The following DNAJB1 variants were observed in gnomAD, a reference collection of about 807,000 sequenced individuals.
The protein encoded by DNAJB1 is dnaJ homolog subfamily B member 1.
DNAJB1 carries 14 observed loss-of-function variants against 24.0 expected under a neutral mutation model. The ratio of observed to expected loss-of-function variants is 0.58; its 90% CI spans 0.39 to 0.91. DNAJB1 has a LOEUF of 0.91. Ranked by LOEUF, DNAJB1 falls within the 40% of genes least tolerant of loss-of-function variation. The probability of loss-of-function intolerance (pLI) is 0.00; values close to 1 mark genes in which losing one functional copy is unlikely to be tolerated. For synonymous variants in DNAJB1, 262 were observed against 174.4 expected (o/e 1.50, Z -3.96); for missense variants, 517 against 458.1 (o/e 1.13, Z -1.17).
chr19:14,556,428 A>AAAC (rs879582706), intron 1 of DNAJB1, among the ~76,000 whole-genome samples: 53,579 of 150,484 alleles, frequency 0.36, 10,092 homozygotes, highest in Non-Finnish European at 0.42. Context: ...ACAAAAACAA[A>AAAC]AAAAACCACA....
chr19:14,515,723 C>T lies in DNAJB1; in HGVS notation c.*217G>A, dbSNP rs1320646357. 1 of 521,648 alleles carries T rather than the reference C, an allele frequency of 1.9e-6. No homozygotes were observed. The highest frequency in any genetic ancestry group is 2.0e-5 in the African/African-American group (1 of 50,282). The allele number at this position is 521,648 out of a possible 1,614,324, so 32.3% of individuals were successfully genotyped here. ...GTGGGGCAGACTGGAATGCCTTTTC[C>T]TGCTGTTCCCACCACCTGATGCCCT... On this transcript the variant is annotated 3_prime_UTR_variant, in exon 3 of 3. Transcript: ENST00000254322.
chr19:14,517,915 C>A (rs2072302460), intron 1 of DNAJB1: 1 of 437,236 alleles, frequency 2.3e-6, no homozygotes, highest in East Asian at 3.7e-5. Flanking sequence ...GGAGGGGCAG[C>A]CCCAGACATG....
upstream of DNAJB1, chr19:14,529,746 G>A: frequency 6.2e-7 from 1 of 1,613,914 alleles, no homozygotes; most frequent in Non-Finnish European, 8.5e-7. Context: ...TGTGGCCACT[G>A]CTGACCCATT....
chr19:14,517,035 T>G lies in DNAJB1; in HGVS notation c.223A>C (p.Ser75Arg). 6.2e-7 allele frequency: 1 copy of G among 1,609,018 alleles called. No homozygotes were observed. Among genetic ancestry groups the G allele is most frequent in the Non-Finnish European group, 8.5e-7 (1 of 1,178,304 alleles). ...CCGCCGCTACCGCCACTGGGGCCAC[T>G]CCCCTTTAGGCCTGAAAAGCAGATT... The part of the protein sequence containing the change: ...DRYGEEGLKG[S>R]GPSGGSGGGA... The change falls in exon 2 of 3, where the codon AGT (serine) becomes CGT (arginine). Residue 75 changes from serine (S) to arginine (R), a missense_variant. Coordinates refer to ENST00000254322, the MANE Select transcript of DNAJB1 (RefSeq NM_006145.3).
At chr19:14,521,746 C>A (rs1368531586), upstream of DNAJB1, among the ~76,000 whole-genome samples, 8 of 152,112 alleles carry the variant, frequency 5.3e-5, no homozygotes, top group Non-Finnish European at 1.0e-4. Context: ...CTTAGCCTCC[C>A]AAGTAGCTAG....
rs748491808 is a variant in DNAJB1, at chr19:14,516,568, G to A, written c.690C>T (p.Asn230=). The stretch of plus-strand genomic sequence containing the variant: ...AAACAAAGACGATATCAGCTGGAAT[G>A]TTGTTGGAGGTCTGGTCTCCTTCCT... ...FPKEGDQTSN[N]IPADIVFVLK... The change falls in exon 2 of 3, where the codon AAC becomes AAT. Residue 230 remains asparagine (N), a synonymous_variant. Transcript: ENST00000254322. 2 of 1,614,236 alleles carry A rather than the reference G, an allele frequency of 1.2e-6. No individual in the cohort carries two copies. Among genetic ancestry groups the A allele is most frequent in the Non-Finnish European group, 8.5e-7 (1 of 1,180,040 alleles).
In DNAJB1 at chr19:14,515,818, T is replaced by C. The variant is rs1268812383; in HGVS notation, c.*122A>G. The C allele has an allele frequency of 3.4e-6, 3 of 879,382 alleles. No individual in the cohort carries two copies. Among genetic ancestry groups the C allele is most frequent in the Admixed American group, 2.8e-5 (1 of 35,792 alleles). The allele number at this position is 879,382 out of a possible 1,614,324, so 54.5% of individuals were successfully genotyped here. On this transcript the variant is annotated 3_prime_UTR_variant, in exon 3 of 3. Coordinates refer to ENST00000254322, the MANE Select transcript of DNAJB1 (RefSeq NM_006145.3). ...TTGTAATATATGCTCTGGAAAACAT[T>C]CAGCAGTACGAAAGCCCTCCCTGGG... is the stretch of plus-strand genomic sequence containing the variant.
upstream of DNAJB1, chr19:14,530,032 G>T: frequency 2.1e-6 from 1 of 486,980 alleles, no homozygotes; most frequent in Non-Finnish European, 3.8e-6. Context: ...AGCCACGAAG[G>T]TGCGGGACCC....
chr19:14,557,654 G>A (rs951608669), intron 1 of DNAJB1, among the ~76,000 whole-genome samples: 1 of 151,700 alleles, frequency 6.6e-6, no homozygotes, highest in African/African-American at 2.4e-5. Context: ...GTTTCGCCAT[G>A]TTGTCCAGGC....
In DNAJB1 at chr19:14,543,445, T is replaced by A. The variant is rs1358244995; in HGVS notation, c.-214+6763A>T. Among the ~76,000 whole-genome samples, 28 of 57,650 alleles carry A rather than the reference T, an allele frequency of 4.9e-4. 2 individuals are homozygous for A. Among genetic ancestry groups the A allele is most frequent in the Non-Finnish European group, 7.7e-4 (21 of 27,240 alleles). 37.8% of individuals were successfully genotyped at this position (57,650 alleles called of 152,430 possible). ...TTTTTTTTTTTTTTTTTTTTTTTTT[T>A]TTTTTTTTTTTGAGACGGAGTCTCG... On this transcript the variant is annotated intron_variant, in intron 1 of 3. Coordinates refer to the DNAJB1 transcript ENST00000676982.
At chr19:14,517,907 A>C in intron 1 of DNAJB1, 4 of 396,942 alleles carry the variant, frequency 1.0e-5, no homozygotes, top group Non-Finnish European at 1.8e-5. Context: ...GCGCCCGGGG[A>C]GGGGCAGCCC....
intron 1 of DNAJB1, among the ~76,000 whole-genome samples, chr19:14,547,266 G>T (rs2073339049): frequency 2.0e-5 from 3 of 152,140 alleles, no homozygotes. Context: ...CCGACAGTAG[G>T]CCAGAAATGA....
chr19:14,553,837 G>A (rs759773917), upstream of DNAJB1, among the ~76,000 whole-genome samples: 4 of 152,162 alleles, frequency 2.6e-5, no homozygotes, highest in Non-Finnish European at 2.9e-5. Flanking sequence ...TGCCCGGCGC[G>A]GGGATGGTGA....
intron 2 of DNAJB1, 87 bp from the exon 3 acceptor site, chr19:14,516,257 C>CA (rs2072259528): frequency 6.8e-7 from 1 of 1,461,100 alleles, no homozygotes; most frequent in Admixed American, 2.2e-5. Flanking sequence ...AGATAAGACC[C>CA]ATCAGGCCTC....
At chr19:14,518,454 C>T (rs1162373025), upstream of DNAJB1, 60 of 946,896 alleles carry the variant, frequency 6.3e-5, no homozygotes, top group Non-Finnish European at 8.4e-6. Context: ...CCAGAGCCCG[C>T]CAGCCCCCTC....
chr19:14,540,987 T>G (rs1416226919), intron 1 of DNAJB1, among the ~76,000 whole-genome samples: 1 of 151,878 alleles, frequency 6.6e-6, no homozygotes, highest in Admixed American at 6.6e-5. Context: ...GGCCACACGC[T>G]GCTAATTTTG....
exon 1 of DNAJB1, chr19:14,529,280 C>T (rs2072517338): frequency 2.9e-6 from 1 of 344,012 alleles, no homozygotes; most frequent in East Asian, 6.6e-5. Context: ...CTTCTTACCC[C>T]GCCCCCGCGT....
upstream of DNAJB1, chr19:14,530,432 A>T (rs140614119): frequency 2.6e-5 from 4 of 152,166 alleles, no homozygotes; most frequent in African/African-American, 9.7e-5. Flanking sequence ...AATTCAACCA[A>T]TTATCCCTGA....
intron 1 of DNAJB1, among the ~76,000 whole-genome samples, chr19:14,528,932 A>C (rs1325436766): frequency 1.3e-5 from 2 of 152,126 alleles, no homozygotes; most frequent in Non-Finnish European, 2.9e-5. Flanking sequence ...ACAGAACGAG[A>C]TTGTTTCAAA....
Sources: gnomAD v4.1 joint callset for allele counts (sites outside exome capture counted in the v4.1 genomes callset) on GRCh38, gnomAD v4.1.1 for gene constraint, MANE v1.5 for transcripts, NCBI Gene and HGNC (gene_info 2026-07-23, HGNC 2026-07-21) for gene names.